KATNAL1: variants seen among roughly 807,000 people sequenced by gnomAD.
The protein encoded by KATNAL1 is katanin p60 ATPase-containing subunit A-like 1.
In KATNAL1, 32 loss-of-function variants were observed where a neutral mutation model predicts 55.2. That is an observed-to-expected ratio of 0.58 (90% confidence interval 0.44 to 0.78). KATNAL1 has a LOEUF of 0.78. Ranked by LOEUF, KATNAL1 falls within the 30% of genes least tolerant of loss-of-function variation. KATNAL1 has a pLI of 0.00. For missense variants in KATNAL1, 466 were observed against 600.9 expected, an observed-to-expected ratio of 0.78 and a Z score of 2.35; for synonymous variants, 193 against 193.6, an observed-to-expected ratio of 1.00 and a Z score of 0.02.
At chr13:30,235,359 G>A (rs1193598584) in intron 6 of KATNAL1, among the ~76,000 whole-genome samples, 2 of 152,170 alleles carry the variant, frequency 1.3e-5, no homozygotes, top group Non-Finnish European at 2.9e-5. Flanking sequence ...ACAGAAACAA[G>A]AGAAAGGGGA....
chr13:30,229,204 G>A (rs1447378479), intron 8 of KATNAL1, among the ~76,000 whole-genome samples: 1 of 150,944 alleles, frequency 6.6e-6, no homozygotes, highest in Non-Finnish European at 1.5e-5. Context: ...CTTTTTCTCT[G>A]TCCTGATAAC....
chr13:30,230,825 T>C (rs776764669), intron 7 of KATNAL1, among the ~76,000 whole-genome samples: 12 of 152,216 alleles, frequency 7.9e-5, no homozygotes, highest in Non-Finnish European at 1.5e-4. Context: ...TAGGGGTTCA[T>C]TGTACTATGC....
chr13:30,220,048 T>G (rs1461390051), intron 9 of KATNAL1, among the ~76,000 whole-genome samples: 3 of 152,198 alleles, frequency 2.0e-5, no homozygotes, highest in Non-Finnish European at 4.4e-5. Context: ...GACTGACAGT[T>G]CGAGCAGCAA....
intron 3 of KATNAL1, among the ~76,000 whole-genome samples, chr13:30,258,773 C>T (rs1878996083): frequency 6.6e-6 from 1 of 151,748 alleles, no homozygotes; most frequent in Admixed American, 6.6e-5. Context: ...TTTTTTTCAC[C>T]CAAATGGATA....
At chr13:30,236,022 G>T (rs1486282025) in intron 6 of KATNAL1, among the ~76,000 whole-genome samples, 1 of 152,068 alleles carries the variant, frequency 6.6e-6, no homozygotes, top group Non-Finnish European at 1.5e-5. Context: ...TCATTAAATG[G>T]AAGTGTATCA....
At chr13:30,307,077 C>G (rs1409988968) in intron 1 of KATNAL1, 1 of 152,176 alleles carries the variant, frequency 6.6e-6, no homozygotes, top group African/African-American at 2.4e-5. Flanking sequence ...GGCCGCCGGG[C>G]TTTGTAGTTC....
chr13:30,273,511 G>A (rs116946691), intron 3 of KATNAL1, among the ~76,000 whole-genome samples: 3,083 of 152,304 alleles, frequency 0.02, 40 homozygotes, highest in Non-Finnish European at 0.032. Flanking sequence ...TGGCTATGAA[G>A]ATTTAAAAAG....
chr13:30,227,252 A>C (rs1367938949), intron 9 of KATNAL1, among the ~76,000 whole-genome samples, 160 bp downstream of exon 9: 2 of 152,242 alleles, frequency 1.3e-5, no homozygotes, highest in African/African-American at 4.8e-5. Flanking sequence ...AAACATAAGA[A>C]ATTTCAATAG....
At chr13:30,291,228 G>A (rs10454591) in intron 1 of KATNAL1, among the ~76,000 whole-genome samples, 32,673 of 152,128 alleles carry the variant, frequency 0.21, 3,712 homozygotes, top group East Asian at 0.3. Flanking sequence ...ACTAATAAAC[G>A]AGTTGTGTAA....
At chr13:30,276,072 A>C (rs937847895) in intron 3 of KATNAL1, among the ~76,000 whole-genome samples, 1 of 152,298 alleles carries the variant, frequency 6.6e-6, no homozygotes, top group Admixed American at 6.5e-5. Flanking sequence ...TAATACAAGA[A>C]ATATTTTAGG....
chr13:30,225,475 T>C (rs148877651), intron 9 of KATNAL1, among the ~76,000 whole-genome samples: 4 of 152,268 alleles, frequency 2.6e-5, no homozygotes, highest in African/African-American at 7.2e-5. Context: ...TAGATAACCA[T>C]ATGTGTGTGT....
At chr13:30,212,597 T>C (rs145410988) in intron 9 of KATNAL1, among the ~76,000 whole-genome samples, 230 of 152,296 alleles carry the variant, frequency 1.5e-3, no homozygotes, top group African/African-American at 5.4e-3. Flanking sequence ...GGAAAACATA[T>C]TGAATTCATC....
At chr13:30,302,755 C>T (rs764895135) in intron 1 of KATNAL1, among the ~76,000 whole-genome samples, 4 of 152,164 alleles carry the variant, frequency 2.6e-5, no homozygotes, top group Non-Finnish European at 4.4e-5. Context: ...TGAAATGTAA[C>T]ATCCTTTGAG....
chr13:30,211,427 C>A (rs1389299005), intron 9 of KATNAL1, among the ~76,000 whole-genome samples: 2 of 152,170 alleles, frequency 1.3e-5, no homozygotes, highest in Non-Finnish European at 2.9e-5. Flanking sequence ...CATTTCTCAC[C>A]CTTATCAGGA....
intron 4 of KATNAL1, among the ~76,000 whole-genome samples, chr13:30,249,567 C>T (rs939236296): frequency 9.2e-5 from 14 of 152,160 alleles, no homozygotes; most frequent in African/African-American, 3.1e-4. Context: ...AAATAAACTA[C>T]AAATATATAC....
intron 4 of KATNAL1, among the ~76,000 whole-genome samples, chr13:30,247,253 T>A (rs1877884421): frequency 6.6e-6 from 1 of 152,182 alleles, no homozygotes; most frequent in Non-Finnish European, 1.5e-5. Context: ...TAGACAAGGT[T>A]TCTAAATTGC....
chr13:30,227,919 C>A (rs1014724180), intron 8 of KATNAL1, among the ~76,000 whole-genome samples: 1 of 151,926 alleles, frequency 6.6e-6, no homozygotes, highest in Non-Finnish European at 1.5e-5. Flanking sequence ...CATAAAGTTC[C>A]GCAAAAATTT....
At chr13:30,226,201 T>G (rs1262279024) in intron 9 of KATNAL1, among the ~76,000 whole-genome samples, 1 of 152,204 alleles carries the variant, frequency 6.6e-6, no homozygotes, top group Non-Finnish European at 1.5e-5. Flanking sequence ...ATGACCATTC[T>G]GAAAAACAGT....
chr13:30,265,701 ATT>A (rs796445869), intron 3 of KATNAL1, among the ~76,000 whole-genome samples: 3 of 143,606 alleles, frequency 2.1e-5, no homozygotes, highest in Admixed American at 7.0e-5. Flanking sequence ...CTTTTAAGAG[ATT>A]TTTTTTTTTT....
Sources: allele counts gnomAD v4.1 joint callset (sites outside exome capture counted in the v4.1 genomes callset), GRCh38; gene constraint gnomAD v4.1.1; transcripts MANE v1.5; gene names NCBI Gene and HGNC (gene_info 2026-07-23, HGNC 2026-07-21).